The following DENND1B variants were observed in gnomAD, a reference collection of about 807,000 sequenced individuals.
DENND1B encodes the protein DENN domain-containing protein 1B.
DENND1B carries 59 observed loss-of-function variants against 90.1 expected under a neutral mutation model. The observed-to-expected ratio is 0.65, with a 90% CI of 0.53 to 0.81. The LOEUF is 0.81. Ranked by LOEUF, DENND1B falls within the 40% of genes least tolerant of loss-of-function variation. DENND1B has a pLI of 0.00. For missense variants in DENND1B, 862 were observed against 912.6 expected (o/e 0.94, Z 0.71); for synonymous variants, 337 against 324.6 (o/e 1.04, Z -0.41).
At chr1:197,618,996 C>G (rs901541293) in intron 10 of DENND1B, among the ~76,000 whole-genome samples, 1 of 150,896 alleles carries the variant, frequency 6.6e-6, no homozygotes, top group Non-Finnish European at 1.5e-5. Flanking sequence ...GAACCAAAAC[C>G]AAAAATTTTT....
intron 14 of DENND1B, among the ~76,000 whole-genome samples, chr1:197,585,097 T>G (rs1160827351): frequency 6.6e-6 from 1 of 152,202 alleles, no homozygotes; most frequent in African/African-American, 2.4e-5. Context: ...TCACAGAATT[T>G]ATAATCTATC....
chr1:197,743,250 G>T (rs1663384263), intron 2 of DENND1B, among the ~76,000 whole-genome samples: 1 of 152,130 alleles, frequency 6.6e-6, no homozygotes, highest in African/African-American at 2.4e-5. Flanking sequence ...TGAAGATATT[G>T]CAGGTTCAGT....
chr1:197,638,665 G>A (rs1053908759), intron 10 of DENND1B, among the ~76,000 whole-genome samples: 2 of 152,132 alleles, frequency 1.3e-5, no homozygotes, highest in African/African-American at 4.8e-5. Context: ...ATACCCCCTT[G>A]TAATATCATG....
At chr1:197,626,595 C>A (rs1373342040) in intron 10 of DENND1B, among the ~76,000 whole-genome samples, 2 of 151,846 alleles carry the variant, frequency 1.3e-5, no homozygotes, top group Non-Finnish European at 2.9e-5. Flanking sequence ...AAATTGACAC[C>A]CTAACATCAC....
chr1:197,563,424 G>C (rs1672341729), intron 15 of DENND1B, among the ~76,000 whole-genome samples: 1 of 151,958 alleles, frequency 6.6e-6, no homozygotes, highest in African/African-American at 2.4e-5. Flanking sequence ...AGTCTACTCT[G>C]CCTGTGCTCT....
In DENND1B at chr1:197,506,362, T is replaced by C. The variant is rs1044940629; in HGVS notation, c.*4098A>G. 6.6e-6 allele frequency: 1 copy of C among 151,534 alleles called. No individual in the cohort carries two copies. The highest frequency in any genetic ancestry group is 1.5e-5 in the Non-Finnish European group (1 of 67,632). The allele number at this position is 151,534 out of a possible 1,614,324, so 9.4% of individuals were successfully genotyped here. On this transcript the variant is annotated 3_prime_UTR_variant, in exon 23 of 23. Coordinates refer to ENST00000620048, the MANE Select transcript of DENND1B (RefSeq NM_001195215.2). ...ATTACTGGGTTTGACCCAGGAACAT[T>C]AGTACTGACATAGGGTTTGTAAAAA...
intron 13 of DENND1B, chr1:197,605,744 A>C (rs1415315877): frequency 6.6e-6 from 1 of 151,206 alleles, no homozygotes; most frequent in South Asian, 2.1e-4. Flanking sequence ...GCCTAGGATT[A>C]GATTTGTACA....
chr1:197,734,257 T>G (rs1662424385), intron 2 of DENND1B: 1 of 909,712 alleles, frequency 1.1e-6, no homozygotes, highest in Non-Finnish European at 1.3e-6. Flanking sequence ...TTATAAAAAC[T>G]ATCTGTAAAT....
intron 3 of DENND1B, among the ~76,000 whole-genome samples, chr1:197,713,801 T>TATAATATAATATA (rs1483373450): frequency 3.1e-5 from 1 of 32,586 alleles, no homozygotes. Flanking sequence ...TATTATTATA[T>TATAATATAATATA]TATAATATAT....
At chr1:197,654,861 A>G (rs945073996) in intron 6 of DENND1B, among the ~76,000 whole-genome samples, 2 of 152,194 alleles carry the variant, frequency 1.3e-5, no homozygotes, top group Non-Finnish European at 2.9e-5. Flanking sequence ...TATAGTCTGC[A>G]TCCATGTTTA....
chr1:197,769,797 CAT>C (rs1415239491), intron 2 of DENND1B, among the ~76,000 whole-genome samples: 1 of 152,072 alleles, frequency 6.6e-6, no homozygotes, highest in African/African-American at 2.4e-5. Flanking sequence ...TGATAATGCA[CAT>C]ATCAGAGCCT....
intron 2 of DENND1B, among the ~76,000 whole-genome samples, chr1:197,737,964 G>T (rs1045117741): frequency 2.6e-5 from 4 of 152,162 alleles, no homozygotes; most frequent in African/African-American, 9.7e-5. Context: ...GGGTAACATA[G>T]ATATCTGACC....
At chr1:197,615,783 T>A (rs912366697) in intron 11 of DENND1B, among the ~76,000 whole-genome samples, 2 of 150,990 alleles carry the variant, frequency 1.3e-5, no homozygotes, top group Admixed American at 1.3e-4. Context: ...TTCAGGAAGT[T>A]TCAGATAACT....
At chr1:197,773,303 C>G (rs1229372743) in intron 1 of DENND1B, among the ~76,000 whole-genome samples, 2 of 152,148 alleles carry the variant, frequency 1.3e-5, no homozygotes, top group Non-Finnish European at 2.9e-5. Flanking sequence ...CTTATTGGAT[C>G]AAATTTAAAA....
chr1:197,688,308 T>C (rs1173542924), intron 3 of DENND1B, among the ~76,000 whole-genome samples: 1 of 151,922 alleles, frequency 6.6e-6, no homozygotes, highest in Non-Finnish European at 1.5e-5. Flanking sequence ...TTCATGGAAA[T>C]AGAAAAAACA....
intron 15 of DENND1B, among the ~76,000 whole-genome samples, chr1:197,576,944 A>G (rs1673735159): frequency 6.6e-6 from 1 of 152,182 alleles, no homozygotes; most frequent in Non-Finnish European, 1.5e-5. Flanking sequence ...TCCTAACAGT[A>G]ATCTAGATTA....
intron 2 of DENND1B, among the ~76,000 whole-genome samples, chr1:197,721,746 A>T (rs1661202436): frequency 6.6e-6 from 1 of 152,166 alleles, no homozygotes; most frequent in Non-Finnish European, 1.5e-5. Flanking sequence ...AGAAACAAAC[A>T]TCAACTATAC....
intron 10 of DENND1B, 130 bp downstream of exon 10, chr1:197,642,581 C>A: frequency 5.4e-6 from 3 of 552,394 alleles, no homozygotes; most frequent in East Asian, 3.2e-5. Context: ...AGATTAAAAC[C>A]ATACATCAAA....
intron 5 of DENND1B, among the ~76,000 whole-genome samples, chr1:197,661,683 T>G (rs1234059828): frequency 6.6e-6 from 1 of 152,078 alleles, no homozygotes; most frequent in Admixed American, 6.6e-5. Flanking sequence ...CTATAAAAAC[T>G]ATATACATAA....
Sources: gnomAD v4.1 joint callset for allele counts (sites outside exome capture counted in the v4.1 genomes callset) on GRCh38, gnomAD v4.1.1 for gene constraint, MANE v1.5 for transcripts, NCBI Gene and HGNC (gene_info 2026-07-23, HGNC 2026-07-21) for gene names.